The following ZGRF1 variants were observed in gnomAD, a reference collection of about 807,000 sequenced individuals.
ZGRF1 encodes zinc finger GRF-type containing 1.
In ZGRF1, 196 loss-of-function variants were observed where a neutral mutation model predicts 203.5. The observed-to-expected ratio is 0.96, with a 90% CI of 0.86 to 1.08. The LOEUF is 1.08. ZGRF1 is among the 50% of genes least tolerant of loss of function. The pLI is 0.00. For synonymous variants in ZGRF1, 809 were observed against 841.3 expected (o/e 0.96, Z 0.66); for missense variants, 2,326 against 2,416.3 (o/e 0.96, Z 0.78).
chr4:112,544,659 GA>G (rs2148820316), intron 24 of ZGRF1, among the ~76,000 whole-genome samples: 1 of 152,220 alleles, frequency 6.6e-6, no homozygotes, highest in Non-Finnish European at 1.5e-5. Context: ...ATTCAAGCAT[GA>G]ACACCAGAAA....
intron 23 of ZGRF1, 148 bp from the exon 24 acceptor site, chr4:112,547,556 C>T (rs1041177930): frequency 4.3e-6 from 3 of 691,890 alleles, no homozygotes; most frequent in African/African-American, 1.8e-5. Flanking sequence ...TGCTATTAAG[C>T]GCATTAAAGG....
rs372920853 is a variant in ZGRF1, at chr4:112,618,964, T to C, written c.1078A>G (p.Asn360Asp). 9.3e-6 allele frequency: 15 copies of C among 1,613,766 alleles called. No homozygotes were observed. The African/African-American group carries it at 1.3e-4, about 14-fold the overall frequency. The change falls in exon 6 of 28, where the codon AAT (asparagine) becomes GAT (aspartate). Residue 360 changes from asparagine to aspartate, a missense_variant. Transcript: ENST00000505019. ...AATGAAAGGTCTTTCAAATTAGAAT[T>C]TACATCATCTTCCTGGGCCTTGGGT... ...RKPKAQEDDV[N>D]SNLKDLSLQK... is the part of the protein sequence containing the mutation.
In ZGRF1 at chr4:112,618,182, A is replaced by G; in HGVS notation, c.1860T>C (p.Gly620=). 1.2e-6 allele frequency: 2 copies of G among 1,613,386 alleles called. No individual in the cohort carries two copies. Among genetic ancestry groups the G allele is most frequent in the East Asian group, 2.2e-5 (1 of 44,832 alleles). Residue 620 remains glycine, a synonymous_variant, in exon 6 of 28, where the codon GGT becomes GGC. Transcript: ENST00000505019. ...PSQFCDKTYV[G]FDMGICKTEN... ...CAGTTTTACATATTCCCATGTCAAA[A>G]CCCACATAAGTTTTATCACAAAACT...
rs1404626743 is a variant in ZGRF1, at chr4:112,562,301, T to A, written c.4697+70A>T. On this transcript the variant is annotated intron_variant, in intron 18 of 27. Transcript: ENST00000505019. ...GCAACATTTATATACTGTACTTTTA[T>A]TGAATTTTCATATTTACTTCTGATT... 1.4e-5 allele frequency: 11 copies of A among 814,096 alleles called. No individual in the cohort carries two copies. In the South Asian group the frequency reaches 1.6e-4, roughly 12 times the overall value. 50.4% of individuals were successfully genotyped at this position (814,096 alleles called of 1,614,324 possible).
chr4:112,631,895 C>A, intron 3 of ZGRF1, 35 bp downstream of exon 3: 2 of 1,204,422 alleles, frequency 1.7e-6, no homozygotes, highest in East Asian at 2.5e-5. Flanking sequence ...GAGAACCTTG[C>A]TCTTGCACCC....
At chr4:112,609,217 C>G (rs962803083) in intron 8 of ZGRF1, among the ~76,000 whole-genome samples, 162 bp downstream of exon 8, 2 of 151,822 alleles carry the variant, frequency 1.3e-5, no homozygotes, top group Non-Finnish European at 2.9e-5. Context: ...CCACGCCCAG[C>G]TAATTTTTTG....
chr4:112,568,782 AAGGCGGGC>A lies in ZGRF1; in HGVS notation c.4439-5516_4439-5509del, dbSNP rs1743674599. 2.6e-5 allele frequency among the ~76,000 whole-genome samples: 4 copies of A among 151,560 alleles called. 1 individual carries two copies. The South Asian group carries it at 8.4e-4, about 32-fold the overall frequency. ...TGTAATCCCAGCACTTTGGGAGGCC[AAGGCGGGC>A]AGATTACAAGGTCAAGAGATCGAGA... On this transcript the variant is annotated intron_variant, in intron 16 of 27. Transcript: ENST00000505019.
Position 112,585,646 on chromosome 4 carries a change from T to A in ZGRF1, c.3996A>T (p.Thr1332=), listed in dbSNP as rs1449103175. 1.2e-6 allele frequency: 2 copies of A among 1,610,420 alleles called. No homozygotes were observed. The highest frequency in any genetic ancestry group is 1.3e-5 in the African/African-American group (1 of 74,648). Residue 1332 remains threonine, a synonymous_variant, in exon 14 of 28, where the codon ACA becomes ACT. Coordinates refer to ENST00000505019, the MANE Select transcript of ZGRF1 (RefSeq NM_018392.5). ...ALSKVDISFY[T]SLKGEKLKNA... Reference sequence around the variant, plus strand: ...TTTTCAGTTTCTCTCCCTTCAATGATGTATAAAATGATATGTCAACTTTTG... The same window carrying A: ...TTTTCAGTTTCTCTCCCTTCAATGAAGTATAAAATGATATGTCAACTTTTG...
At position 112,619,614 on chromosome 4, in the gene ZGRF1, G is replaced by C. The variant is rs1467361411; in HGVS notation, c.428C>G (p.Ala143Gly). 2 of 1,613,944 alleles carry C rather than the reference G, an allele frequency of 1.2e-6. No homozygotes were observed. Among genetic ancestry groups the C allele is most frequent in the Non-Finnish European group, 1.7e-6 (2 of 1,179,934 alleles). ...ESGESAASHE[A>G]KKTGPTIFSP... is the part of the protein sequence containing the mutation. ...AAAAATAGTAGGGCCAGTTTTCTTA[G>C]CCTCATGTGATGCAGCTGATTCACC... Residue 143 changes from alanine to glycine, a missense_variant, in exon 6 of 28, where the codon GCT (alanine) becomes GGT (glycine). Coordinates refer to ENST00000505019, the MANE Select transcript of ZGRF1 (RefSeq NM_018392.5).
At chr4:112,543,341 A>G (rs1333302134) in intron 24 of ZGRF1, among the ~76,000 whole-genome samples, 1 of 152,182 alleles carries the variant, frequency 6.6e-6, no homozygotes, top group Non-Finnish European at 1.5e-5. Context: ...TATGAATAAT[A>G]TATATTATGT....
At chr4:112,576,949 G>A (rs1358201364) in intron 16 of ZGRF1, among the ~76,000 whole-genome samples, 1 of 151,676 alleles carries the variant, frequency 6.6e-6, no homozygotes, top group Non-Finnish European at 1.5e-5. Context: ...TACTCCTCAA[G>A]AACAGCAACT....
In ZGRF1 at chr4:112,587,832, A is replaced by G. The variant is rs534492336; in HGVS notation, c.3225T>C (p.Asp1075=). The G allele has an allele frequency of 7.1e-5, 110 of 1,551,700 alleles. No individual in the cohort carries two copies. The Middle Eastern group carries it at 1.3e-3, about 19-fold the overall frequency. ...AATGAGAGTCTAAGTCAGGTGGCCCATCAGTACGTGGCAAAGTAATAAGTG... is the reference window on the plus strand; with the variant it reads ...AATGAGAGTCTAAGTCAGGTGGCCCGTCAGTACGTGGCAAAGTAATAAGTG... ...QVPLITLPRT[D]GPPDLDSHSY... Residue 1075 remains aspartate (D), a synonymous_variant, in exon 12 of 28, where the codon GAT becomes GAC. Transcript: ENST00000505019.
chr4:112,624,776 A>G (rs1560882810), intron 3 of ZGRF1, among the ~76,000 whole-genome samples: 1 of 152,040 alleles, frequency 6.6e-6, no homozygotes, highest in Non-Finnish European at 1.5e-5. Context: ...TGTTTCCATC[A>G]CTTTGGAAAA....
chr4:112,584,675 G>A (rs1746863095), intron 14 of ZGRF1, among the ~76,000 whole-genome samples: 1 of 152,028 alleles, frequency 6.6e-6, no homozygotes, highest in African/African-American at 2.4e-5. Context: ...AGAAAACAAA[G>A]ATTTTTAGTG....
chr4:112,619,813 A>T, intron 5 of ZGRF1, 123 bp from the exon 6 acceptor site: 1 of 962,878 alleles, frequency 1.0e-6, no homozygotes, highest in Non-Finnish European at 1.5e-6. Flanking sequence ...GTAATAATTC[A>T]GATTTAAAGT....
chr4:112,574,376 A>C (rs1246663745), intron 16 of ZGRF1, among the ~76,000 whole-genome samples: 1 of 152,208 alleles, frequency 6.6e-6, no homozygotes, highest in African/African-American at 2.4e-5. Context: ...ATACAGAATG[A>C]CATCATTTTA....
intron 24 of ZGRF1, among the ~76,000 whole-genome samples, chr4:112,542,754 TTTTCTTTCCTTTTC>T (rs1737908830): frequency 6.6e-6 from 1 of 151,972 alleles, no homozygotes; most frequent in Non-Finnish European, 1.5e-5. Flanking sequence ...TATTTTTTTC[TTTTCTTTCCTTTTC>T]TTTCTTTCCT....
At chr4:112,552,947 G>T (rs917386597) in intron 22 of ZGRF1, among the ~76,000 whole-genome samples, 2 of 152,196 alleles carry the variant, frequency 1.3e-5, no homozygotes, top group African/African-American at 2.4e-5. Flanking sequence ...AGAAGATCAT[G>T]CCATAGCAAC....
intron 16 of ZGRF1, chr4:112,565,515 G>C: frequency 1.6e-6 from 1 of 612,450 alleles, no homozygotes; most frequent in East Asian, 2.8e-5. Context: ...GTCAAAAAAA[G>C]AGCTTCTGCA....
Sources: allele counts gnomAD v4.1 joint callset (sites outside exome capture counted in the v4.1 genomes callset), GRCh38; gene constraint gnomAD v4.1.1; transcripts MANE v1.5; gene names NCBI Gene and HGNC (gene_info 2026-07-23, HGNC 2026-07-21).